Variants in KCNC1 observed in about 807,000 individuals in gnomAD.
The protein encoded by KCNC1 is voltage-gated potassium channel KCNC1.
In KCNC1, 8 loss-of-function variants were observed where a neutral mutation model predicts 43.4. The observed-to-expected ratio is 0.18, with a 90% CI of 0.11 to 0.33. The LOEUF is 0.33. Among genes scored for constraint, KCNC1 ranks in the 10% least tolerant of loss-of-function variants. The probability of loss-of-function intolerance (pLI) is 1.00; values close to 1 mark genes in which losing one functional copy is unlikely to be tolerated. For synonymous variants in KCNC1, 361 were observed against 360.5 expected, an observed-to-expected ratio of 1.00 and a Z score of -0.01; for missense variants, 420 against 836.0, an observed-to-expected ratio of 0.50 and a Z score of 6.14.
intron 1 of KCNC1, among the ~76,000 whole-genome samples, chr11:17,737,041 A>G (rs1430705864): frequency 6.6e-6 from 1 of 152,190 alleles, no homozygotes; most frequent in Non-Finnish European, 1.5e-5. Context: ...CTGTCCAGGT[A>G]AAGGCGCATC....
At chr11:17,740,209 T>A (rs78735594) in intron 1 of KCNC1, among the ~76,000 whole-genome samples, 3,185 of 152,260 alleles carry the variant, frequency 0.021, 90 homozygotes, top group African/African-American at 0.063. Context: ...TGGCCCCCTT[T>A]CCTGTGCTCT....
rs1848763481 is a variant in KCNC1, at chr11:17,736,146, T to C, written c.144T>C (p.Tyr48=). ...CCGACGCCCACAGCCACTTCGACTATGACCCGCGTGCTGACGAGTTCTTCT... is the reference window on the plus strand; with the variant it reads ...CCGACGCCCACAGCCACTTCGACTACGACCCGCGTGCTGACGAGTTCTTCT... The part of the protein sequence containing the change: ...AEPDAHSHFD[Y]DPRADEFFFD... Residue 48 remains tyrosine (Y), a synonymous_variant, in exon 1 of 4, where the codon TAT becomes TAC. Coordinates refer to ENST00000265969, the MANE Select transcript of KCNC1 (RefSeq NM_001112741.2). The surrounding 1 kb of genome is among the most constrained non-coding windows in gnomAD (Gnocchi z 9.3). 1 of 1,613,296 alleles carries C rather than the reference T, an allele frequency of 6.2e-7. No homozygotes were observed. The highest frequency in any genetic ancestry group is 1.7e-5 in the Admixed American group (1 of 60,004).
At chr11:17,757,220 A>T (rs1849032753) in intron 1 of KCNC1, among the ~76,000 whole-genome samples, 2 of 151,522 alleles carry the variant, frequency 1.3e-5, no homozygotes, top group Admixed American at 1.3e-4. Context: ...TTAGCCACAC[A>T]CAGTGAGTGA....
At position 17,779,242 on chromosome 11, in the gene KCNC1, C is replaced by T. The variant is rs1849319315; in HGVS notation, c.1505-214C>T. ...GAGCAAACCCAGGAGTCCCCACTCCCAGCACTGTGGGCAGCCCGAAGGCTG... is the reference window on the plus strand; with the variant it reads ...GAGCAAACCCAGGAGTCCCCACTCCTAGCACTGTGGGCAGCCCGAAGGCTG... On this transcript the variant is annotated intron_variant, in intron 2 of 3. Coordinates refer to ENST00000265969, the MANE Select transcript of KCNC1 (RefSeq NM_001112741.2). This position sits in a 1 kb window ranked among gnomAD's most constrained non-coding sequence, Gnocchi z 7.2. 2 of 518,190 alleles carry T rather than the reference C, an allele frequency of 3.9e-6. No individual in the cohort carries two copies. The highest frequency in any genetic ancestry group is 3.9e-5 in the African/African-American group (2 of 51,864). The allele number at this position is 518,190 out of a possible 1,614,324, so 32.1% of individuals were successfully genotyped here.
chr11:17,777,649 C>T lies in KCNC1; in HGVS notation c.1505-1807C>T. 1 of 985,910 alleles carries T rather than the reference C, an allele frequency of 1.0e-6. No homozygotes were observed. Among genetic ancestry groups the T allele is most frequent in the Non-Finnish European group, 1.2e-6 (1 of 829,964 alleles). 61.1% of individuals were successfully genotyped at this position (985,910 alleles called of 1,614,324 possible). ...CATGGTGTCAGAGTTACCTTGGCAACTGGCCTTTTTGGTTCAGAGTAAATT... is the reference window on the plus strand; with the variant it reads ...CATGGTGTCAGAGTTACCTTGGCAATTGGCCTTTTTGGTTCAGAGTAAATT... On this transcript the variant is annotated intron_variant, in intron 2 of 3. Coordinates refer to ENST00000265969, the MANE Select transcript of KCNC1 (RefSeq NM_001112741.2). The surrounding 1 kb of genome is among the most constrained non-coding windows in gnomAD (Gnocchi z 4.3).
Position 17,773,037 on chromosome 11 carries a change from C to G in KCNC1, c.1504+439C>G. On this transcript the variant is annotated intron_variant, in intron 2 of 3. Coordinates refer to ENST00000265969, the MANE Select transcript of KCNC1 (RefSeq NM_001112741.2). This position sits in a 1 kb window ranked among gnomAD's most constrained non-coding sequence, Gnocchi z 4.1. Reference sequence around the variant, plus strand: ...CTTTGATCTGGTCCTTACCATGGCTCCCTTCAGGCTGTGTAGATGGCAGAG... The same window carrying G: ...CTTTGATCTGGTCCTTACCATGGCTGCCTTCAGGCTGTGTAGATGGCAGAG... 9.8e-7 allele frequency: 1 copy of G among 1,025,088 alleles called. No homozygotes were observed. The highest frequency in any genetic ancestry group is 1.2e-6 in the Non-Finnish European group (1 of 855,092). The allele number at this position is 1,025,088 out of a possible 1,614,324, so 63.5% of individuals were successfully genotyped here. A position where few individuals can be genotyped will look rare whatever the true frequency, so the allele number is the denominator to read the frequency against.
chr11:17,756,225 C>T (rs959743327), intron 1 of KCNC1, among the ~76,000 whole-genome samples: 4 of 152,186 alleles, frequency 2.6e-5, no homozygotes, highest in Admixed American at 2.0e-4. Flanking sequence ...ACTCTAACCT[C>T]AAGACTTGTT....
chr11:17,736,505 T>G lies in KCNC1; in HGVS notation c.503T>G (p.Phe168Cys), dbSNP rs1284030064. The part of the protein sequence containing the change: ...SDSPDGRPGG[F>C]WRRWQPRIWA... ...TCCCCGGATGGCCGGCCTGGCGGCTTTTGGCGCCGCTGGCAGCCGCGCATC... is the reference window on the plus strand; with the variant it reads ...TCCCCGGATGGCCGGCCTGGCGGCTGTTGGCGCCGCTGGCAGCCGCGCATC... Residue 168 changes from phenylalanine (F) to cysteine (C), a missense_variant, in exon 1 of 4, where the codon TTT becomes TGT. Phe to Cys is a radical substitution (Grantham distance 205). This residue lies in a region of KCNC1 where 151 missense variants were observed against 216.7 expected (regional missense o/e 0.70). Coordinates refer to ENST00000265969, the MANE Select transcript of KCNC1 (RefSeq NM_001112741.2). The surrounding 1 kb of genome is among the most constrained non-coding windows in gnomAD (Gnocchi z 9.3). The G allele has an allele frequency of 6.3e-7, 1 of 1,591,226 alleles. No homozygotes were observed. The highest frequency in any genetic ancestry group is 1.1e-5 in the South Asian group (1 of 89,574).
In KCNC1 at chr11:17,781,705, A is replaced by G. The variant is rs755441537; in HGVS notation, c.1729A>G (p.Met577Val). The part of the protein sequence containing the change: ...CKESPVIAKY[M>V]PTEAVRVT ...AGAAAGCCCTGTCATTGCTAAGTATATGCCGACAGAGGCTGTGAGAGTGAC... is the reference window on the plus strand; with the variant it reads ...AGAAAGCCCTGTCATTGCTAAGTATGTGCCGACAGAGGCTGTGAGAGTGAC... Residue 577 changes from methionine (M) to valine (V), a missense_variant, in exon 4 of 4, where the codon ATG (methionine) becomes GTG (valine). Coordinates refer to ENST00000265969, the MANE Select transcript of KCNC1 (RefSeq NM_001112741.2). This position sits in a 1 kb window ranked among gnomAD's most constrained non-coding sequence, Gnocchi z 5.1. 1 of 1,551,560 alleles carries G rather than the reference A, an allele frequency of 6.4e-7. No homozygotes were observed. Among genetic ancestry groups the G allele is most frequent in the South Asian group, 1.2e-5 (1 of 84,034 alleles).
At chr11:17,775,306 C>T in intron 2 of KCNC1, 3 of 985,512 alleles carry the variant, frequency 3.0e-6, no homozygotes, top group African/African-American at 3.5e-5. Context: ...CAGGCCAGCC[C>T]CCAGTGGTGC....
In KCNC1 at chr11:17,779,757, G is replaced by T. The variant is rs961809772; in HGVS notation, c.1693+113G>T. ...TGAGGGGCAGGCAGGCACACCGAGG[G>T]GGGCAAGGATGGAGGGAATCTCCCA... On this transcript the variant is annotated intron_variant, in intron 3 of 3. Coordinates refer to ENST00000265969, the MANE Select transcript of KCNC1 (RefSeq NM_001112741.2). The surrounding 1 kb of genome is among the most constrained non-coding windows in gnomAD (Gnocchi z 7.2). 1 of 861,530 alleles carries T rather than the reference G, an allele frequency of 1.2e-6. No individual in the cohort carries two copies. The highest frequency in any genetic ancestry group is 1.7e-6 in the Non-Finnish European group (1 of 601,686). The allele number at this position is 861,530 out of a possible 1,614,324, so 53.4% of individuals were successfully genotyped here. A position where few individuals can be genotyped will look rare whatever the true frequency, so the allele number is the denominator to read the frequency against.
At position 17,781,612 on chromosome 11, in the gene KCNC1, G is replaced by C. The variant is rs1171557850; in HGVS notation, c.1694-58G>C. On this transcript the variant is annotated intron_variant, in intron 3 of 3. Coordinates refer to ENST00000265969, the MANE Select transcript of KCNC1 (RefSeq NM_001112741.2). This position sits in a 1 kb window ranked among gnomAD's most constrained non-coding sequence, Gnocchi z 5.1. ...CTCCTTCTTAAAAACTAAGTACCAA[G>C]CGGGATGGGAGAGCCAAGAAGAGAA... 1 of 1,192,986 alleles carries C rather than the reference G, an allele frequency of 8.4e-7. No homozygotes were observed. The highest frequency in any genetic ancestry group is 1.2e-6 in the Non-Finnish European group (1 of 823,180). 73.9% of individuals were successfully genotyped at this position (1,192,986 alleles called of 1,614,324 possible).
intron 1 of KCNC1, among the ~76,000 whole-genome samples, chr11:17,757,371 A>G (rs181535007): frequency 2.6e-5 from 4 of 152,336 alleles, no homozygotes; most frequent in Admixed American, 2.6e-4. Flanking sequence ...AGGCAGGACC[A>G]TCACAGGGAG....
intron 1 of KCNC1, among the ~76,000 whole-genome samples, chr11:17,762,709 G>A (rs980442529): frequency 6.6e-6 from 1 of 152,176 alleles, no homozygotes. Flanking sequence ...TAAGAAAATC[G>A]CCACACTGGA....
intron 1 of KCNC1, among the ~76,000 whole-genome samples, chr11:17,743,233 G>A (rs948019740): frequency 6.6e-6 from 1 of 152,212 alleles, no homozygotes; most frequent in African/African-American, 2.4e-5. Context: ...GCTCATGCGC[G>A]GTGGAGCCAG....
rs913630926 is a variant in KCNC1, at chr11:17,775,127, A to T, written c.1504+2529A>T. ...AAGGTAAATGTGGTGGCCCCACAGG[A>T]ATTGTGAGAGATGAGATGCAGCCCC... On this transcript the variant is annotated intron_variant, in intron 2 of 3. Coordinates refer to ENST00000265969, the MANE Select transcript of KCNC1 (RefSeq NM_001112741.2). 23 of 985,422 alleles carry T rather than the reference A, an allele frequency of 2.3e-5. No individual in the cohort carries two copies. In the Middle Eastern group the frequency reaches 2.1e-3, roughly 88 times the overall value. The allele number at this position is 985,422 out of a possible 1,614,324, so 61.0% of individuals were successfully genotyped here.
intron 2 of KCNC1, chr11:17,775,053 A>C: frequency 1.0e-6 from 1 of 985,346 alleles, no homozygotes; most frequent in Middle Eastern, 5.2e-4. Flanking sequence ...AGATGGGCAT[A>C]GGGTTGGGGT....
In KCNC1 at chr11:17,773,938, TC is replaced by T; in HGVS notation, c.1504+1345del. On this transcript the variant is annotated intron_variant, in intron 2 of 3. Transcript: ENST00000265969. The surrounding 1 kb of genome is among the most constrained non-coding windows in gnomAD (Gnocchi z 4.1). ...TAGCTCAGCCCCAGGTGGGGAAGTT[TC>T]CCCCTGGTTTGGGTGGCCTCCCCCA... 1.0e-6 allele frequency: 1 copy of T among 985,420 alleles called. No individual in the cohort carries two copies. Among genetic ancestry groups the T allele is most frequent in the South Asian group, 4.7e-5 (1 of 21,284 alleles). The allele number at this position is 985,420 out of a possible 1,614,324, so 61.0% of individuals were successfully genotyped here. A position where few individuals can be genotyped will look rare whatever the true frequency, so the allele number is the denominator to read the frequency against.
chr11:17,778,557 G>T (rs778022641), intron 2 of KCNC1, among the ~76,000 whole-genome samples: 25 of 152,250 alleles, frequency 1.6e-4, no homozygotes, highest in Non-Finnish European at 1.6e-4. Context: ...GGGACAGCAT[G>T]GAGTGGAAGA....
Sources: allele counts gnomAD v4.1 joint callset (sites outside exome capture counted in the v4.1 genomes callset), GRCh38; gene constraint gnomAD v4.1.1; regional missense constraint gnomAD v4.1.1; non-coding constraint Gnocchi (gnomAD v3.1); transcripts MANE v1.5; gene names NCBI Gene and HGNC (gene_info 2026-07-23, HGNC 2026-07-21).